The following BNIP1 variants were observed in gnomAD, a reference collection of about 807,000 sequenced individuals.
BNIP1 encodes the protein BCL2 interacting protein 1, also known as vesicle transport protein SEC20.
A neutral mutation model predicts 28.5 loss-of-function variants in BNIP1; 25 were observed. The ratio of observed to expected loss-of-function variants is 0.88; its 90% CI spans 0.64 to 1.23. The LOEUF (loss-of-function observed/expected upper bound fraction) is 1.23. Ranked by LOEUF, BNIP1 falls within the 50% of genes most tolerant of loss-of-function variation. BNIP1 has a pLI of 0.00. For synonymous variants in BNIP1, 118 were observed against 101.7 expected, an observed-to-expected ratio of 1.16 and a Z score of -0.96; for missense variants, 276 against 277.0, an observed-to-expected ratio of 1.00 and a Z score of 0.02.
chr5:173,163,499 G>A (rs1467474202), intron 5 of BNIP1, among the ~76,000 whole-genome samples: 1 of 152,188 alleles, frequency 6.6e-6, no homozygotes, highest in Non-Finnish European at 1.5e-5. Flanking sequence ...TGACGCTCAT[G>A]TTCAAGGACT....
chr5:173,150,617 A>G (rs1323613163), intron 2 of BNIP1, among the ~76,000 whole-genome samples: 16 of 152,194 alleles, frequency 1.1e-4, no homozygotes, highest in African/African-American at 3.6e-4. Flanking sequence ...GTGTCTGTCT[A>G]TAAGTATCAA....
At chr5:173,151,725 T>G in intron 2 of BNIP1, 1 of 1,611,790 alleles carries the variant, frequency 6.2e-7, no homozygotes, top group Non-Finnish European at 8.5e-7. Context: ...TTTAAACATC[T>G]GGGTGCCCAC....
At chr5:173,163,643 T>G (rs1038080949) in intron 5 of BNIP1, 82 bp from the exon 6 acceptor site, 15 of 1,317,826 alleles carry the variant, frequency 1.1e-5, no homozygotes, top group Non-Finnish European at 1.4e-5. Flanking sequence ...CTGGTTTTTA[T>G]CAGCACCCCA....
Position 173,148,086 on chromosome 5 carries a change from ATATATATATATAT to A in BNIP1, c.177+1129_177+1141del, listed in dbSNP as rs1561593450. On this transcript the variant is annotated intron_variant, in intron 2 of 5. Transcript: ENST00000351486. ...TCAAAAAAAAAAAAAAAAAAAAAAT[ATATATATATATAT>A]ATATATATATATATATATATATATA... is the stretch of plus-strand genomic sequence containing the variant. Among the ~76,000 whole-genome samples the A allele has an allele frequency of 6.7e-3, 154 of 23,098 alleles. 8 individuals carry two copies. The highest frequency in any genetic ancestry group is 0.012 in the South Asian group (3 of 260). 15.2% of individuals were successfully genotyped at this position (23,098 alleles called of 152,430 possible).
At chr5:173,160,574 G>A (rs182050645) in intron 5 of BNIP1, among the ~76,000 whole-genome samples, 179 of 152,238 alleles carry the variant, frequency 1.2e-3, no homozygotes, top group Non-Finnish European at 2.1e-3. Flanking sequence ...CCCCATCGAT[G>A]TTTCCTCAGG....
intron 2 of BNIP1, among the ~76,000 whole-genome samples, chr5:173,147,420 A>G (rs1759872278): frequency 6.6e-6 from 1 of 151,818 alleles, no homozygotes; most frequent in Non-Finnish European, 1.5e-5. Context: ...AAAAAACAAG[A>G]AACTTTTGCA....
At position 173,164,254 on chromosome 5, in the gene BNIP1, C is replaced by T. The variant is rs139867168; in HGVS notation, c.*333C>T. 80 of 212,492 alleles carry T rather than the reference C, an allele frequency of 3.8e-4. No individual in the cohort carries two copies. The East Asian group carries it at 7.8e-3, about 21-fold the overall frequency. 13.2% of individuals were successfully genotyped at this position (212,492 alleles called of 1,614,324 possible). ...TGCCCCTCCTGTCTCCCGCTCCCAT[C>T]GTGCCCTTAAATGCCAGATCTGGTG... On this transcript the variant is annotated 3_prime_UTR_variant, in exon 6 of 6. Coordinates refer to ENST00000351486, the MANE Select transcript of BNIP1 (RefSeq NM_001205.3). The surrounding 1 kb of genome is among the most constrained non-coding windows in gnomAD (Gnocchi z 4.0).
intron 5 of BNIP1, chr5:173,162,008 A>G (rs1014682135): frequency 6.6e-6 from 1 of 152,154 alleles, no homozygotes; most frequent in Admixed American, 6.5e-5. Flanking sequence ...GTCATTTTCA[A>G]AACGCTGCTG....
At chr5:173,146,053 C>T (rs926495029) in intron 1 of BNIP1, among the ~76,000 whole-genome samples, 2 of 152,204 alleles carry the variant, frequency 1.3e-5, no homozygotes, top group Admixed American at 6.5e-5. Flanking sequence ...CTTAGGCATT[C>T]TTCTGTACTC....
At chr5:173,154,064 G>A (rs994673912) in intron 2 of BNIP1, among the ~76,000 whole-genome samples, 25 of 152,274 alleles carry the variant, frequency 1.6e-4, no homozygotes, top group African/African-American at 5.3e-4. Flanking sequence ...CAGGACAGCC[G>A]TGCATCACTC....
At chr5:173,145,089 C>T (rs2113832508) in intron 1 of BNIP1, 1 of 159,974 alleles carries the variant, frequency 6.3e-6, no homozygotes, top group Non-Finnish European at 1.4e-5. Flanking sequence ...CGGGAGGCAC[C>T]GGGTGAAACG....
chr5:173,147,360 G>A (rs1228953324), intron 2 of BNIP1, among the ~76,000 whole-genome samples: 2 of 151,750 alleles, frequency 1.3e-5, no homozygotes, highest in Admixed American at 1.3e-4. Context: ...AGCCGAGATC[G>A]AGCCACTGCA....
At chr5:173,146,184 AT>A (rs1759830337) in intron 1 of BNIP1, among the ~76,000 whole-genome samples, 1 of 152,200 alleles carries the variant, frequency 6.6e-6, no homozygotes, top group African/African-American at 2.4e-5. Context: ...ATAATCTATG[AT>A]GTTCTATGAG....
At chr5:173,158,262 C>T (rs1037619745) in intron 3 of BNIP1, among the ~76,000 whole-genome samples, 1 of 152,112 alleles carries the variant, frequency 6.6e-6, no homozygotes, top group African/African-American at 2.4e-5. Context: ...AGTATATTAA[C>T]TCAGCAGCTG....
At position 173,160,046 on chromosome 5, in the gene BNIP1, C is replaced by CCCA; in HGVS notation, c.485_486insCCA (p.Ser162_Leu163insHis). The stretch of plus-strand genomic sequence containing the variant: ...CAGCAGAGCGAGGAGGCCATGCAGT[C>CCCA]TCTAGGTAAAGCTGGGCCTGGAGTA... On this transcript the variant is annotated inframe_insertion, in exon 5 of 6. Coordinates refer to ENST00000351486, the MANE Select transcript of BNIP1 (RefSeq NM_001205.3). 6.2e-7 allele frequency: 1 copy of CCCA among 1,613,596 alleles called. No homozygotes were observed. Among genetic ancestry groups the CCCA allele is most frequent in the East Asian group, 2.2e-5 (1 of 44,870 alleles).
intron 2 of BNIP1, among the ~76,000 whole-genome samples, chr5:173,148,866 C>T (rs1418277839): frequency 6.6e-6 from 1 of 152,122 alleles, no homozygotes; most frequent in Non-Finnish European, 1.5e-5. Context: ...TTTCTGGTTT[C>T]TTGGTTTCTT....
At chr5:173,160,476 C>G (rs1004607228) in intron 5 of BNIP1, among the ~76,000 whole-genome samples, 1 of 152,234 alleles carries the variant, frequency 6.6e-6, no homozygotes, top group African/African-American at 2.4e-5. Flanking sequence ...TCAGGTGATC[C>G]GCCTGCCTCA....
At chr5:173,149,710 TG>T (rs1759959375) in intron 2 of BNIP1, among the ~76,000 whole-genome samples, 2 of 152,324 alleles carry the variant, frequency 1.3e-5, no homozygotes, top group East Asian at 1.9e-4. Context: ...TATCTGCTTC[TG>T]GGGAGGCTTC....
At position 173,154,412 on chromosome 5, in the gene BNIP1, A is replaced by G. The variant is rs535394258; in HGVS notation, c.268A>G (p.Ser90Gly). The G allele has an allele frequency of 6.2e-7, 1 of 1,611,760 alleles. No homozygotes were observed. Among genetic ancestry groups the G allele is most frequent in the South Asian group, 1.1e-5 (1 of 90,700 alleles). Residue 90 changes from serine (S) to glycine (G), a missense_variant and splice_region_variant, in exon 3 of 6, where the codon AGC becomes GGC. By Grantham distance (56) the Ser-to-Gly change is moderately conservative. Transcript: ENST00000351486. ...GGAGAATCACAAAAAGCAGATGCTC[A>G]GGTAGGCAGGGCCTGCCCCCGCCAG... ...EVENHKKQML[S>G]NQASWRKANL...
Sources: allele counts gnomAD v4.1 joint callset (sites outside exome capture counted in the v4.1 genomes callset), GRCh38; gene constraint gnomAD v4.1.1; non-coding constraint Gnocchi (gnomAD v3.1); transcripts MANE v1.5; gene names NCBI Gene and HGNC (gene_info 2026-07-23, HGNC 2026-07-21).